Variants in PCBP3 observed in about 807,000 individuals in gnomAD.
PCBP3 encodes the protein poly(rC) binding protein 3, also known as poly(rC)-binding protein 3.
Under a neutral mutation model 52.7 loss-of-function variants are expected in PCBP3, and 25 were observed. The ratio of observed to expected loss-of-function variants is 0.47; its 90% CI spans 0.35 to 0.66. The LOEUF is 0.66. Ranked by LOEUF, PCBP3 falls within the 30% of genes least tolerant of loss-of-function variation. The probability of loss-of-function intolerance (pLI) is 0.01; values close to 1 mark genes in which losing one functional copy is unlikely to be tolerated. For synonymous variants in PCBP3, 162 were observed against 183.0 expected (o/e 0.89, Z 0.93); for missense variants, 391 against 490.3 (o/e 0.80, Z 1.91).
intron 14 of PCBP3, 100 bp downstream of exon 14, chr21:45,930,095 T>G (rs755348582): frequency 1.5e-5 from 12 of 801,830 alleles, no homozygotes; most frequent in Non-Finnish European, 2.4e-5. Flanking sequence ...CAGGTGCAGT[T>G]GGATTTGTGA....
intron 1 of PCBP3, among the ~76,000 whole-genome samples, chr21:45,650,730 G>A (rs955371571): frequency 6.6e-6 from 1 of 152,084 alleles, no homozygotes; most frequent in African/African-American, 2.4e-5. Flanking sequence ...TCATAGTTTT[G>A]GAAAGGGAGG....
intron 5 of PCBP3, 34 bp from the exon 6 acceptor site, chr21:45,896,174 C>T: frequency 1.3e-6 from 2 of 1,548,384 alleles, no homozygotes; most frequent in Non-Finnish European, 1.7e-6. Context: ...CCGTGAGACT[C>T]TTCTCTAGCA....
At chr21:45,934,919 C>A (rs1455067233) in intron 15 of PCBP3, among the ~76,000 whole-genome samples, 1 of 152,190 alleles carries the variant, frequency 6.6e-6, no homozygotes, top group Non-Finnish European at 1.5e-5. Context: ...GCCCTTCAGC[C>A]AGGGGCCCAC....
At chr21:45,787,306 G>A (rs950783754) in intron 4 of PCBP3, among the ~76,000 whole-genome samples, 3 of 152,076 alleles carry the variant, frequency 2.0e-5, no homozygotes, top group Non-Finnish European at 4.4e-5. Flanking sequence ...GTGCAATGGC[G>A]TGATCATAGC....
At position 45,857,927 on chromosome 21, in the gene PCBP3, C is replaced by T. The variant is rs139725893; in HGVS notation, c.10+7832C>T. Among the ~76,000 whole-genome samples, 42 of 152,224 alleles carry T rather than the reference C, an allele frequency of 2.8e-4. No individual in the cohort carries two copies. The East Asian group carries it at 6.6e-3, about 24-fold the overall frequency. On this transcript the variant is annotated intron_variant, in intron 5 of 17. Transcript: ENST00000681687. ...TGCTCTCCAGTGTTGACGGAGGTGT[C>T]GTGGGAGAGGCTCGCAGAGGGCAGG...
At chr21:45,677,421 G>A (rs2081537247) in intron 2 of PCBP3, among the ~76,000 whole-genome samples, 1 of 152,216 alleles carries the variant, frequency 6.6e-6, no homozygotes, top group Non-Finnish European at 1.5e-5. Context: ...GTAGAGGTTG[G>A]TTCATGGGAT....
At chr21:45,810,011 A>G (rs891151545) in intron 4 of PCBP3, among the ~76,000 whole-genome samples, 6 of 152,176 alleles carry the variant, frequency 3.9e-5, no homozygotes, top group Non-Finnish European at 5.9e-5. Flanking sequence ...TGTCACTGGA[A>G]AGCAAATTTT....
chr21:45,730,616 C>A (rs2085384118), intron 2 of PCBP3, among the ~76,000 whole-genome samples: 1 of 152,030 alleles, frequency 6.6e-6, no homozygotes. Context: ...TTTACAAAAT[C>A]AGTTATTGAA....
intron 4 of PCBP3, among the ~76,000 whole-genome samples, chr21:45,818,015 T>C (rs1038757758): frequency 6.6e-6 from 1 of 152,080 alleles, no homozygotes; most frequent in Non-Finnish European, 1.5e-5. Context: ...TGAACCAATA[T>C]TGGTACATTA....
chr21:45,833,923 ATGT>A (rs2093516108), intron 4 of PCBP3, among the ~76,000 whole-genome samples: 1 of 152,190 alleles, frequency 6.6e-6, no homozygotes, highest in Non-Finnish European at 1.5e-5. Context: ...GTTTTTTTAA[ATGT>A]TGGAAACAAA....
At chr21:45,893,971 G>A (rs1019741288) in intron 5 of PCBP3, 11 of 985,460 alleles carry the variant, frequency 1.1e-5, no homozygotes, top group African/African-American at 7.0e-5. Flanking sequence ...AGCAGCAGCC[G>A]CAGAGGTGGC....
rs74738489 is a variant in PCBP3, at chr21:45,767,554, G to A, written c.-126+12102G>A. 4.7e-3 allele frequency among the ~76,000 whole-genome samples: 723 copies of A among 152,266 alleles called. 3 individuals carry two copies. Among genetic ancestry groups the A allele is most frequent in the African/African-American group, 0.016 (671 of 41,546 alleles). On this transcript the variant is annotated intron_variant, in intron 4 of 17. Transcript: ENST00000681687. ...TTCAGTTCCTTAGGAGTGGACCTGG[G>A]GGACACGTAGAGACTCTGTGTTAAC... is the stretch of plus-strand genomic sequence containing the variant.
chr21:45,923,603 C>A (rs1411872110), intron 13 of PCBP3, among the ~76,000 whole-genome samples: 1 of 152,128 alleles, frequency 6.6e-6, no homozygotes, highest in Non-Finnish European at 1.5e-5. Flanking sequence ...GTCTGAGAAA[C>A]ACTAGTCAGG....
intron 2 of PCBP3, among the ~76,000 whole-genome samples, chr21:45,721,155 G>A (rs2084606333): frequency 6.6e-6 from 1 of 152,210 alleles, no homozygotes; most frequent in South Asian, 2.1e-4. Context: ...GCTCATGCCT[G>A]TAATCCCAGC....
chr21:45,656,057 A>G lies in PCBP3; in HGVS notation c.-279+12189A>G, dbSNP rs1306418147. Among the ~76,000 whole-genome samples, 1 of 152,246 alleles carries G rather than the reference A, an allele frequency of 6.6e-6. No individual in the cohort carries two copies. Among genetic ancestry groups the G allele is most frequent in the Non-Finnish European group, 1.5e-5 (1 of 68,040 alleles). On this transcript the variant is annotated intron_variant, in intron 1 of 17. Coordinates refer to ENST00000681687, the MANE Select transcript of PCBP3 (RefSeq NM_001384156.1). This position sits in a 1 kb window ranked among gnomAD's most constrained non-coding sequence, Gnocchi z 4.3. Reference sequence around the variant, plus strand: ...TACACTTTTGGTGGGAGTATAAATTAGTTCAACCATTGTGGAAGACAGTGT... The same window carrying G: ...TACACTTTTGGTGGGAGTATAAATTGGTTCAACCATTGTGGAAGACAGTGT...
chr21:45,774,517 C>A (rs1208765758), intron 4 of PCBP3, among the ~76,000 whole-genome samples: 1 of 151,938 alleles, frequency 6.6e-6, no homozygotes, highest in Non-Finnish European at 1.5e-5. Context: ...TTATTTATTT[C>A]TCTTTCCTGG....
chr21:45,665,704 G>A (rs566946693), intron 1 of PCBP3, among the ~76,000 whole-genome samples: 20 of 152,226 alleles, frequency 1.3e-4, no homozygotes, highest in African/African-American at 3.6e-4. Flanking sequence ...AAGAAGAACC[G>A]GTACTAATCC....
chr21:45,835,466 G>A (rs938790443), intron 4 of PCBP3, among the ~76,000 whole-genome samples: 11 of 152,178 alleles, frequency 7.2e-5, no homozygotes, highest in Non-Finnish European at 1.5e-4. Flanking sequence ...GTCAGCTCCT[G>A]GCCGCAGCCG....
chr21:45,742,453 A>G (rs1359743536), intron 3 of PCBP3, among the ~76,000 whole-genome samples: 3 of 152,212 alleles, frequency 2.0e-5, no homozygotes, highest in Non-Finnish European at 4.4e-5. Context: ...GCATTCTTGC[A>G]TTATTGAAGA....
Sources: allele counts gnomAD v4.1 joint callset (sites outside exome capture counted in the v4.1 genomes callset), GRCh38; gene constraint gnomAD v4.1.1; non-coding constraint Gnocchi (gnomAD v3.1); transcripts MANE v1.5; gene names NCBI Gene and HGNC (gene_info 2026-07-23, HGNC 2026-07-21).